The following MIB1 variants were observed in gnomAD, a reference collection of about 807,000 sequenced individuals.
MIB1 encodes the protein MIB E3 ubiquitin protein ligase 1.
A neutral mutation model predicts 124.5 loss-of-function variants in MIB1; 278 were observed. That is an observed-to-expected ratio of 2.23 (90% CI 2.02 to 2.47). The LOEUF is 2.47. Among genes scored for constraint, MIB1 ranks in the 30% most tolerant of loss-of-function variants. The pLI is 0.00. For synonymous variants in MIB1, 446 were observed against 429.4 expected (o/e 1.04, Z -0.48); for missense variants, 957 against 1,254.4 (o/e 0.76, Z 3.58).
chr18:21,740,758 G>A (rs2040837274), upstream of MIB1, among the ~76,000 whole-genome samples: 1 of 152,232 alleles, frequency 6.6e-6, no homozygotes, highest in African/African-American at 2.4e-5. Flanking sequence ...GCAACCGTCC[G>A]CCCTTTTTCT....
chr18:21,734,369 T>A (rs2040785812), intron 1 of MIB1, among the ~76,000 whole-genome samples: 1 of 151,842 alleles, frequency 6.6e-6, no homozygotes, highest in East Asian at 1.9e-4. Context: ...CCTCCCAAAG[T>A]GCTGGGATTA....
chr18:21,798,221 A>T lies in MIB1; in HGVS notation c.1230A>T (p.Ala410=). ...CTGCAGGATCAGCCATTAGCAATGC[A>T]TCTGGTGGTATGTTTTATATTGTGT... ...VASAGSAISN[A]SGERLSQLLK... is the part of the protein sequence containing the mutation. Residue 410 remains alanine (A), a synonymous_variant, in exon 8 of 21, where the codon GCA becomes GCT. Coordinates refer to ENST00000261537, the MANE Select transcript of MIB1 (RefSeq NM_020774.4). The T allele has an allele frequency of 6.2e-7, 1 of 1,612,960 alleles. No homozygotes were observed. Among genetic ancestry groups the T allele is most frequent in the Non-Finnish European group, 8.5e-7 (1 of 1,179,170 alleles).
At position 21,811,055 on chromosome 18, in the gene MIB1, C is replaced by A. The variant is rs571527201; in HGVS notation, c.1480-4561C>A. 2.0e-5 allele frequency among the ~76,000 whole-genome samples: 3 copies of A among 152,140 alleles called. 1 individual carries two copies. The South Asian group carries it at 6.2e-4, about 32-fold the overall frequency. On this transcript the variant is annotated intron_variant, in intron 10 of 20. Coordinates refer to ENST00000261537, the MANE Select transcript of MIB1 (RefSeq NM_020774.4). ...TACATCAAGAAAACCTAAAAAACTC[C>A]TTTTGACTTGAATAAACATTTCTGC...
intron 1 of MIB1, among the ~76,000 whole-genome samples, chr18:21,713,318 T>C (rs924524442): frequency 1.5e-5 from 2 of 136,428 alleles, no homozygotes; most frequent in African/African-American, 5.9e-5. Flanking sequence ...ATTAATAAAT[T>C]AAAGAACTCT....
rs957453501 is a variant in MIB1 at position 21,714,809 on chromosome 18, C to T, written n.167+9686C>T. ...AATACCTGATCAGGAGCTTTCTGCTCCATCAGCTGCTACTGGAGAGGAAAA... is the reference window on the plus strand; with the variant it reads ...AATACCTGATCAGGAGCTTTCTGCTTCATCAGCTGCTACTGGAGAGGAAAA... On this transcript the variant is annotated intron_variant and non_coding_transcript_variant, in intron 1 of 20. Coordinates refer to the MIB1 transcript ENST00000578646. 2.0e-5 allele frequency among the ~76,000 whole-genome samples: 3 copies of T among 152,304 alleles called. No individual in the cohort carries two copies. In the South Asian group the frequency reaches 6.2e-4, roughly 32 times the overall value.
At chr18:21,763,415 T>C (rs1209380643) in intron 1 of MIB1, among the ~76,000 whole-genome samples, 2 of 152,174 alleles carry the variant, frequency 1.3e-5, no homozygotes, top group African/African-American at 2.4e-5. Context: ...TCCTGGTTCA[T>C]TGAACATACT....
At chr18:21,711,346 A>G (rs770358071) in intron 1 of MIB1, among the ~76,000 whole-genome samples, 1 of 152,022 alleles carries the variant, frequency 6.6e-6, no homozygotes, top group Non-Finnish European at 1.5e-5. Flanking sequence ...CAGTAGTGCA[A>G]TCTTGGCTCA....
chr18:21,756,169 C>T (rs1422199350), intron 1 of MIB1, among the ~76,000 whole-genome samples: 2 of 152,134 alleles, frequency 1.3e-5, no homozygotes, highest in Admixed American at 6.5e-5. Context: ...TTACTGAGCT[C>T]CAGTCATGTG....
At chr18:21,756,013 A>G (rs1416754485) in intron 1 of MIB1, among the ~76,000 whole-genome samples, 1 of 152,184 alleles carries the variant, frequency 6.6e-6, no homozygotes, top group Non-Finnish European at 1.5e-5. Context: ...AGAGCTTTGA[A>G]TTGAAATATT....
At chr18:21,783,054 AG>A (rs2041388823) in intron 6 of MIB1, among the ~76,000 whole-genome samples, 1 of 152,102 alleles carries the variant, frequency 6.6e-6, no homozygotes, top group South Asian at 2.1e-4. Context: ...TTTAACTTAA[AG>A]TCTATTTTAT....
chr18:21,795,351 T>G (rs985092815), intron 7 of MIB1, among the ~76,000 whole-genome samples: 21 of 142,766 alleles, frequency 1.5e-4, no homozygotes, highest in Non-Finnish European at 2.6e-4. Flanking sequence ...ATATAATATA[T>G]AAATAATACA....
chr18:21,864,747 G>C lies in MIB1; in HGVS notation c.*81G>C. The C allele has an allele frequency of 9.1e-7, 1 of 1,099,182 alleles. No homozygotes were observed. The highest frequency in any genetic ancestry group is 1.3e-6 in the Non-Finnish European group (1 of 768,402). The allele number at this position is 1,099,182 out of a possible 1,614,324, so 68.1% of individuals were successfully genotyped here. On this transcript the variant is annotated 3_prime_UTR_variant, in exon 21 of 21. Coordinates refer to ENST00000261537, the MANE Select transcript of MIB1 (RefSeq NM_020774.4). ...GGCTTTTGATCTAGTTGGAAGTTCTGATGAGTTAATTTCTAATATCATAGT... is the reference window on the plus strand; with the variant it reads ...GGCTTTTGATCTAGTTGGAAGTTCTCATGAGTTAATTTCTAATATCATAGT...
upstream of MIB1, among the ~76,000 whole-genome samples, chr18:21,739,532 A>G (rs1001871222): frequency 2.6e-5 from 4 of 152,196 alleles, no homozygotes; most frequent in South Asian, 2.1e-4. Context: ...ATGAACATCG[A>G]TGCGAAAATC....
chr18:21,724,831 A>G (rs2040734009), intron 1 of MIB1, among the ~76,000 whole-genome samples: 1 of 132,670 alleles, frequency 7.5e-6, no homozygotes, highest in Non-Finnish European at 1.6e-5. Flanking sequence ...AGTGGCTCAC[A>G]CCTGTAATCC....
chr18:21,838,838 A>G (rs921255019), intron 13 of MIB1, among the ~76,000 whole-genome samples: 66 of 152,210 alleles, frequency 4.3e-4, no homozygotes, highest in African/African-American at 1.5e-3. Context: ...ACCAAGAACC[A>G]TCTGTGTTGA....
At chr18:21,840,656 TATATATA>T (rs1283826713) in intron 13 of MIB1, among the ~76,000 whole-genome samples, 9 of 2,032 alleles carry the variant, frequency 4.4e-3, no homozygotes, top group Admixed American at 8.2e-3. Context: ...TATATATATA[TATATATA>T]TATTTTTTTT....
intron 1 of MIB1, among the ~76,000 whole-genome samples, chr18:21,732,164 C>T (rs895744110): frequency 6.6e-6 from 1 of 151,698 alleles, no homozygotes; most frequent in African/African-American, 2.4e-5. Context: ...TGTCTCTCTA[C>T]TAAAAATACA....
chr18:21,866,183 GTC>G lies in MIB1; in HGVS notation c.*1521_*1522del. 6.6e-6 allele frequency: 1 copy of G among 152,164 alleles called. No individual in the cohort carries two copies. The highest frequency in any genetic ancestry group is 1.9e-4 in the East Asian group (1 of 5,178). The allele number at this position is 152,164 out of a possible 1,614,324, so 9.4% of individuals were successfully genotyped here. On this transcript the variant is annotated 3_prime_UTR_variant, in exon 21 of 21. Transcript: ENST00000261537. The stretch of plus-strand genomic sequence containing the variant: ...CACCAACTAAATTTGAAAGTATGAA[GTC>G]TCTAGCCCTCTTACACTGTTTCTGG...
chr18:21,784,993 G>A (rs189358876), intron 6 of MIB1, among the ~76,000 whole-genome samples: 11 of 152,290 alleles, frequency 7.2e-5, no homozygotes, highest in Admixed American at 5.2e-4. Context: ...ACCTGGCTCC[G>A]TCTTCTAGAT....
Sources: allele counts gnomAD v4.1 joint callset (sites outside exome capture counted in the v4.1 genomes callset), GRCh38; gene constraint gnomAD v4.1.1; transcripts MANE v1.5; gene names NCBI Gene and HGNC (gene_info 2026-07-23, HGNC 2026-07-21).